The following TENM2 variants were observed in gnomAD, a reference collection of about 807,000 sequenced individuals.
TENM2 encodes the protein teneurin transmembrane protein 2, also known as teneurin-2.
In TENM2, 52 loss-of-function variants were observed where a neutral mutation model predicts 245.2. The observed-to-expected ratio is 0.21, with a 90% confidence interval of 0.17 to 0.27. TENM2 has a LOEUF of 0.27. TENM2 is among the 10% of genes least tolerant of loss of function. The pLI, the probability that TENM2 is intolerant of heterozygous loss-of-function variation, is 1.00. For missense variants in TENM2, 3,046 were observed against 3,666.8 expected (o/e 0.83, Z 4.37); for synonymous variants, 1,363 against 1,438.9 (o/e 0.95, Z 1.19).
chr5:168,082,569 T>G lies in TENM2; in HGVS notation c.1516-8005T>G, dbSNP rs184006355. Among the ~76,000 whole-genome samples the G allele has an allele frequency of 7.4e-4, 113 of 152,268 alleles. 1 individual carries two copies. The highest frequency in any genetic ancestry group is 2.6e-3 in the African/African-American group (107 of 41,566). On this transcript the variant is annotated intron_variant, in intron 7 of 28. Coordinates refer to ENST00000518659, the Ensembl canonical transcript of TENM2. ...TCTGGTTTCTCCCCATCTTTGTGGT[T>G]TTTGGTCTTTGATGATGGTGACATG...
intron 27 of TENM2, among the ~76,000 whole-genome samples, chr5:168,257,527 A>G (rs1478512999): frequency 2.0e-5 from 3 of 152,080 alleles, no homozygotes; most frequent in Non-Finnish European, 4.4e-5. Context: ...CTTCCAGGCC[A>G]TTAGAAGGAC....
At chr5:167,157,632 G>T in the TENM2 span, among the ~76,000 whole-genome samples, 1 of 152,150 alleles carries the variant, frequency 6.6e-6, no homozygotes, top group Non-Finnish European at 1.5e-5. Context: ...AACACAAAAG[G>T]CCTGTAATTG....
At chr5:167,333,845 A>G (rs1032886288) in intron 1 of TENM2, among the ~76,000 whole-genome samples, 1 of 152,218 alleles carries the variant, frequency 6.6e-6, no homozygotes, top group Non-Finnish European at 1.5e-5. Flanking sequence ...TAGGCTCATG[A>G]GTCCAGTGGG....
At chr5:167,674,021 C>A (rs779445039) in intron 2 of TENM2, among the ~76,000 whole-genome samples, 1 of 152,052 alleles carries the variant, frequency 6.6e-6, no homozygotes, top group East Asian at 1.9e-4. Context: ...ATCCACAGAG[C>A]AAAATTTGAA....
chr5:167,374,957 T>C (rs1020208372), intron 1 of TENM2, among the ~76,000 whole-genome samples: 2 of 152,166 alleles, frequency 1.3e-5, no homozygotes, highest in Non-Finnish European at 2.9e-5. Context: ...TGCCTAAAAA[T>C]CTCTGAAATA....
intron 2 of TENM2, among the ~76,000 whole-genome samples, chr5:167,469,966 T>C (rs1304063219): frequency 6.6e-6 from 1 of 152,176 alleles, no homozygotes; most frequent in Non-Finnish European, 1.5e-5. Flanking sequence ...ATCTTTTCTC[T>C]ATGCACATAT....
chr5:168,199,985 A>C, exon 17 of TENM2: 2 of 1,613,896 alleles, frequency 1.2e-6, no homozygotes, highest in Non-Finnish European at 1.7e-6. Context: ...GTGCCCCTGA[A>C]CCTCATTAGG....
At chr5:167,769,356 G>T (rs148818924) in intron 2 of TENM2, among the ~76,000 whole-genome samples, 2 of 152,256 alleles carry the variant, frequency 1.3e-5, no homozygotes, top group Non-Finnish European at 2.9e-5. Context: ...TTTATTGAAT[G>T]TATGTAGTTA....
the TENM2 span, among the ~76,000 whole-genome samples, chr5:167,144,474 G>A: frequency 6.6e-6 from 1 of 152,286 alleles, no homozygotes; most frequent in South Asian, 2.1e-4. Flanking sequence ...AGCCCAGAGA[G>A]GGTTAAATAA....
the TENM2 span, among the ~76,000 whole-genome samples, chr5:167,016,584 T>G: frequency 6.6e-6 from 1 of 152,322 alleles, no homozygotes; most frequent in Non-Finnish European, 1.5e-5. Context: ...ATGTGATATC[T>G]ACATAAAATG....
At chr5:167,784,297 G>T (rs1764415511) in intron 2 of TENM2, among the ~76,000 whole-genome samples, 1 of 152,174 alleles carries the variant, frequency 6.6e-6, no homozygotes, top group African/African-American at 2.4e-5. Flanking sequence ...TGTTGTTTTG[G>T]GGGGTAAAGA....
chr5:167,052,577 C>T, the TENM2 span, among the ~76,000 whole-genome samples: 2 of 152,196 alleles, frequency 1.3e-5, no homozygotes, highest in East Asian at 3.9e-4. Flanking sequence ...CAGTGAATTA[C>T]TTAAATTGTT....
At chr5:167,476,495 T>C (rs1767385275) in intron 2 of TENM2, among the ~76,000 whole-genome samples, 1 of 152,212 alleles carries the variant, frequency 6.6e-6, no homozygotes, top group African/African-American at 2.4e-5. Flanking sequence ...GGGAAACTAT[T>C]GTGCTCATGA....
chr5:167,084,355 A>ATATATATATATATATATGTATATATG, the TENM2 span, among the ~76,000 whole-genome samples: 8 of 109,334 alleles, frequency 7.3e-5, no homozygotes, highest in African/African-American at 2.7e-4. Context: ...ATATATATAT[A>ATATATATATATATATATGTATATATG]TATATATATA....
chr5:167,138,619 A>AT, the TENM2 span, among the ~76,000 whole-genome samples: 1 of 152,002 alleles, frequency 6.6e-6, no homozygotes, highest in Non-Finnish European at 1.5e-5. Context: ...TTTTGTTCTT[A>AT]TTTTTATTGA....
At chr5:167,731,200 G>GTTTTTTTTTTTT (rs11398245) in intron 2 of TENM2, among the ~76,000 whole-genome samples, 1 of 142,600 alleles carries the variant, frequency 7.0e-6, no homozygotes, top group Non-Finnish European at 1.5e-5. Flanking sequence ...CCTCCAGACA[G>GTTTTTTTTTTTT]TTTTTTTTTT....
chr5:167,390,046 T>C (rs1761662604), intron 2 of TENM2, among the ~76,000 whole-genome samples: 2 of 152,212 alleles, frequency 1.3e-5, no homozygotes, highest in African/African-American at 2.4e-5. Context: ...TCCCAGGTCC[T>C]ATTGTACCTT....
At chr5:167,840,068 G>A (rs761696152) in intron 2 of TENM2, among the ~76,000 whole-genome samples, 10 of 152,186 alleles carry the variant, frequency 6.6e-5, no homozygotes, top group East Asian at 1.9e-4. Context: ...TGATCCACCC[G>A]CCTCGGCCTC....
intron 13 of TENM2, among the ~76,000 whole-genome samples, chr5:168,175,052 A>T (rs1054944419): frequency 7.9e-5 from 12 of 152,036 alleles, no homozygotes; most frequent in Non-Finnish European, 1.0e-4. Context: ...AATCAGACGG[A>T]CCTAGCTGTA....
Sources: gnomAD v4.1 joint callset for allele counts (sites outside exome capture counted in the v4.1 genomes callset) on GRCh38, gnomAD v4.1.1 for gene constraint, MANE v1.5 for transcripts, NCBI Gene and HGNC (gene_info 2026-07-23, HGNC 2026-07-21) for gene names.